ZNF487: variants seen among roughly 807,000 people sequenced by gnomAD.
ZNF487 encodes zinc finger protein 487, also known as KRAB domain only 1.
Under a neutral mutation model 3.0 loss-of-function variants are expected in ZNF487, and 4 were observed. That is an observed-to-expected ratio of 1.35 (90% CI 0.66 to 3.08). The LOEUF (loss-of-function observed/expected upper bound fraction) is 3.08, where lower values mean the gene tolerates loss of function less well. ZNF487 is among the 30% of genes most tolerant of loss of function. The pLI is 0.01. For missense variants in ZNF487, 146 were observed against 98.7 expected, an observed-to-expected ratio of 1.48 and a Z score of -2.03; for synonymous variants, 55 against 34.6, an observed-to-expected ratio of 1.59 and a Z score of -2.06.
chr10:43,492,470 G>T, the ZNF487 span, among the ~76,000 whole-genome samples: 1 of 149,676 alleles, frequency 6.7e-6, no homozygotes, highest in Admixed American at 6.6e-5. Flanking sequence ...ATTTTATTTT[G>T]AGATGGAGTC....
At chr10:43,480,084 C>CTTTCTTTTCT (rs375980543) in intron 3 of ZNF487, among the ~76,000 whole-genome samples, 6,492 of 139,782 alleles carry the variant, frequency 0.046, 352 homozygotes, top group East Asian at 0.17. Flanking sequence ...TTCCTTCCTT[C>CTTTCTTTTCT]TTTCTTTTCT....
intron 1 of ZNF487, among the ~76,000 whole-genome samples, chr10:43,442,932 A>T (rs574713302): frequency 6.6e-6 from 1 of 152,266 alleles, no homozygotes; most frequent in East Asian, 1.9e-4. Context: ...AATTTTTTCA[A>T]TTATTACAAA....
chr10:43,506,325 G>A, the ZNF487 span, among the ~76,000 whole-genome samples: 2 of 152,006 alleles, frequency 1.3e-5, no homozygotes, highest in South Asian at 2.1e-4. Flanking sequence ...ACCAGCTTGG[G>A]TAACATAGTG....
chr10:43,465,806 A>G (rs1480507135), intron 1 of ZNF487, among the ~76,000 whole-genome samples: 1 of 152,214 alleles, frequency 6.6e-6, no homozygotes, highest in Non-Finnish European at 1.5e-5. Context: ...CAGAGGCTGC[A>G]ATCTCGGCAC....
chr10:43,495,522 G>C, the ZNF487 span, among the ~76,000 whole-genome samples: 92 of 152,244 alleles, frequency 6.0e-4, 3 homozygotes, highest in African/African-American at 2.0e-3. Flanking sequence ...GGGATTACAG[G>C]TGTGAGCCAC....
At chr10:43,498,075 T>TATATATATATATATATA in the ZNF487 span, among the ~76,000 whole-genome samples, 39 of 35,004 alleles carry the variant, frequency 1.1e-3, 1 homozygote, top group African/African-American at 5.8e-3. Flanking sequence ...ATTTGGTATT[T>TATATATATATATATATA]TATATATATA....
At chr10:43,489,132 A>G in the ZNF487 span, among the ~76,000 whole-genome samples, 1 of 151,956 alleles carries the variant, frequency 6.6e-6, no homozygotes, top group Admixed American at 6.6e-5. Context: ...ACACTCCCCA[A>G]CTTCTTGGAG....
chr10:43,454,058 T>C (rs1204798543), intron 1 of ZNF487: 3 of 152,220 alleles, frequency 2.0e-5, no homozygotes, highest in African/African-American at 7.2e-5. Context: ...CTTTTCTTTT[T>C]TTTAAGGTAC....
chr10:43,501,775 C>T, the ZNF487 span, among the ~76,000 whole-genome samples: 1 of 114,364 alleles, frequency 8.7e-6, no homozygotes, highest in Non-Finnish European at 1.8e-5. Context: ...ACCCACAAAA[C>T]CTTTTAACTT....
At chr10:43,479,108 T>TATGTGTGTATATATATATAC (rs1280983200) in intron 3 of ZNF487, among the ~76,000 whole-genome samples, 1 of 85,994 alleles carries the variant, frequency 1.2e-5, no homozygotes, top group Non-Finnish European at 2.7e-5. Flanking sequence ...CACACATATA[T>TATGTGTGTATATATATATAC]ACACATATAT....
chr10:43,490,894 G>A, the ZNF487 span, among the ~76,000 whole-genome samples: 3 of 150,016 alleles, frequency 2.0e-5, no homozygotes, highest in Non-Finnish European at 2.9e-5. Flanking sequence ...GGCTGGTCTC[G>A]AACTCCCAAC....
At chr10:43,446,726 A>T (rs1564412842) in intron 1 of ZNF487, among the ~76,000 whole-genome samples, 1 of 150,956 alleles carries the variant, frequency 6.6e-6, no homozygotes, top group African/African-American at 2.4e-5. Context: ...TGCCGGGCAG[A>T]GGGGCTCCTC....
At chr10:43,449,267 C>T (rs928820165) in intron 1 of ZNF487, among the ~76,000 whole-genome samples, 1 of 152,098 alleles carries the variant, frequency 6.6e-6, no homozygotes, top group African/African-American at 2.4e-5. Context: ...CCACTGCACT[C>T]CAGCCTCAGC....
chr10:43,498,101 TTTTTTTTTTTTTC>T, the ZNF487 span, among the ~76,000 whole-genome samples: 116 of 12,764 alleles, frequency 9.1e-3, 19 homozygotes, highest in East Asian at 0.043. Context: ...ATATATATAT[TTTTTTTTTTTTTC>T]TTTTTTTTTT....
chr10:43,490,088 C>T, the ZNF487 span, among the ~76,000 whole-genome samples: 34 of 152,314 alleles, frequency 2.2e-4, no homozygotes, highest in African/African-American at 7.7e-4. Context: ...GTGGCTCATG[C>T]CTATAATCCC....
At chr10:43,459,818 CT>C (rs1840359361) in intron 1 of ZNF487, among the ~76,000 whole-genome samples, 1 of 128,810 alleles carries the variant, frequency 7.8e-6, no homozygotes, top group African/African-American at 2.6e-5. Context: ...TTATTATTTT[CT>C]GAGATGGAGT....
At chr10:43,490,499 A>ATTT in the ZNF487 span, among the ~76,000 whole-genome samples, 21 of 40,720 alleles carry the variant, frequency 5.2e-4, no homozygotes, top group Non-Finnish European at 9.1e-4. Context: ...AAGTAGCTCT[A>ATTT]CTTTTTTTTT....
the ZNF487 span, among the ~76,000 whole-genome samples, chr10:43,510,609 A>T: frequency 6.6e-6 from 1 of 151,966 alleles, no homozygotes; most frequent in South Asian, 2.1e-4. Flanking sequence ...GTGCAATGGC[A>T]TGATCTTGGT....
At chr10:43,445,334 G>C (rs890800215) in intron 1 of ZNF487, among the ~76,000 whole-genome samples, 1 of 152,022 alleles carries the variant, frequency 6.6e-6, no homozygotes, top group African/African-American at 2.4e-5. Context: ...TTCCTATACT[G>C]TAATTCTCAT....
Sources: gnomAD v4.1 joint callset for allele counts (sites outside exome capture counted in the v4.1 genomes callset) on GRCh38, gnomAD v4.1.1 for gene constraint, MANE v1.5 for transcripts, NCBI Gene and HGNC (gene_info 2026-07-23, HGNC 2026-07-21) for gene names.